The following MCC variants were observed in gnomAD, a reference collection of about 807,000 sequenced individuals.
MCC encodes colorectal mutant cancer protein.
In MCC, 90 loss-of-function variants were observed where a neutral mutation model predicts 116.2. The observed-to-expected ratio is 0.77, with a 90% CI of 0.65 to 0.92. MCC has a LOEUF of 0.92. Ranked by LOEUF, MCC falls within the 40% of genes least tolerant of loss-of-function variation. The pLI, the probability that MCC is intolerant of heterozygous loss-of-function variation, is 0.00. For synonymous variants in MCC, 578 were observed against 510.5 expected, an observed-to-expected ratio of 1.13 and a Z score of -1.78; for missense variants, 1,516 against 1,312.2, an observed-to-expected ratio of 1.16 and a Z score of -2.40.
intron 17 of MCC, among the ~76,000 whole-genome samples, chr5:113,043,302 T>C (rs559556253): frequency 3.2e-4 from 48 of 152,358 alleles, no homozygotes; most frequent in Non-Finnish European, 6.5e-4. Flanking sequence ...GGAATTTTCC[T>C]ATTCACTGAT....
chr5:113,046,565 A>G (rs1173332035), intron 16 of MCC, among the ~76,000 whole-genome samples: 6 of 152,100 alleles, frequency 3.9e-5, no homozygotes, highest in African/African-American at 1.4e-4. Flanking sequence ...GAACTAGGGG[A>G]AAATGCTCAG....
At chr5:113,067,274 C>G (rs890382033) in intron 13 of MCC, among the ~76,000 whole-genome samples, 21 of 152,154 alleles carry the variant, frequency 1.4e-4, no homozygotes, top group Admixed American at 1.3e-3. Flanking sequence ...TTCTGTGATG[C>G]TGACAAGAGC....
At chr5:113,393,639 T>C (rs1769455543) in intron 1 of MCC, among the ~76,000 whole-genome samples, 1 of 152,214 alleles carries the variant, frequency 6.6e-6, no homozygotes, top group African/African-American at 2.4e-5. Flanking sequence ...TCTGAGCTGC[T>C]CACGCTTTGG....
rs185638161 is a variant in MCC at position 113,131,398 on chromosome 5, G to A, written c.885-8572C>T. 2.0e-3 allele frequency among the ~76,000 whole-genome samples: 305 copies of A among 152,166 alleles called. 3 individuals are homozygous for A. The highest frequency in any genetic ancestry group is 7.0e-3 in the African/African-American group (292 of 41,516). ...AAGAGCACATATTACAAAACAGTGC[G>A]TGTTATATGATCAGATTTGTTTAAA... On this transcript the variant is annotated intron_variant, in intron 5 of 18. Transcript: ENST00000408903.
chr5:113,218,611 G>A (rs893218773), intron 3 of MCC, among the ~76,000 whole-genome samples: 6 of 152,134 alleles, frequency 3.9e-5, no homozygotes, highest in Admixed American at 6.5e-5. Flanking sequence ...CAATTTATGC[G>A]AGTTAAAAAA....
intron 1 of MCC, among the ~76,000 whole-genome samples, chr5:113,415,856 T>G (rs575637250): frequency 6.6e-6 from 1 of 152,230 alleles, no homozygotes; most frequent in Admixed American, 6.5e-5. Context: ...GGCGCTCTGG[T>G]TTTTAGAATT....
chr5:113,087,498 C>T (rs1755282265), intron 8 of MCC, among the ~76,000 whole-genome samples: 1 of 152,124 alleles, frequency 6.6e-6, no homozygotes, highest in Non-Finnish European at 1.5e-5. Flanking sequence ...AAAATGGGTA[C>T]AGGGGTGGAT....
chr5:113,215,828 T>C lies in MCC; in HGVS notation c.628-64406A>G, dbSNP rs551821923. On this transcript the variant is annotated intron_variant, in intron 3 of 18. Coordinates refer to ENST00000408903, the MANE Select transcript of MCC (RefSeq NM_001085377.2). ...TTCACTACGAGAGAGCCTCAGTTAC[T>C]ATCTCCAGGCCAAGTTGAAGCCATT... 2.6e-5 allele frequency among the ~76,000 whole-genome samples: 4 copies of C among 152,198 alleles called. No homozygotes were observed. In the South Asian group the frequency reaches 8.3e-4, roughly 32 times the overall value.
chr5:113,064,475 T>C (rs1046772414), intron 13 of MCC, among the ~76,000 whole-genome samples: 1 of 152,238 alleles, frequency 6.6e-6, no homozygotes, highest in Non-Finnish European at 1.5e-5. Context: ...TTTCTAATGA[T>C]CCAGGCTCCT....
At chr5:113,407,371 T>G (rs1769862872) in intron 1 of MCC, among the ~76,000 whole-genome samples, 1 of 152,212 alleles carries the variant, frequency 6.6e-6, no homozygotes, top group South Asian at 2.1e-4. Flanking sequence ...TATGCTCAGA[T>G]AGGGTGAAAT....
chr5:113,393,866 A>G (rs1219480612), intron 1 of MCC, among the ~76,000 whole-genome samples: 1 of 152,188 alleles, frequency 6.6e-6, no homozygotes, highest in East Asian at 1.9e-4. Context: ...TGAAAGGTCC[A>G]TATCAGAATT....
intron 3 of MCC, among the ~76,000 whole-genome samples, chr5:113,282,136 A>G (rs1766068857): frequency 6.6e-6 from 1 of 152,180 alleles, no homozygotes; most frequent in Non-Finnish European, 1.5e-5. Flanking sequence ...TTCAGAGTCT[A>G]TAACTTTAGA....
chr5:113,165,378 A>C (rs575674141), intron 3 of MCC, among the ~76,000 whole-genome samples: 2 of 152,340 alleles, frequency 1.3e-5, no homozygotes, highest in Admixed American at 1.3e-4. Context: ...ACCTACAAGA[A>C]ACACCAACAT....
At chr5:113,385,361 G>T in intron 1 of MCC, 149 bp from the exon 2 acceptor site, 1 of 875,980 alleles carries the variant, frequency 1.1e-6, no homozygotes, top group Non-Finnish European at 1.7e-6. Context: ...AAAGTGATAA[G>T]TGTATGAAAA....
chr5:113,445,932 C>G (rs1580385406), intron 1 of MCC, among the ~76,000 whole-genome samples: 1 of 151,968 alleles, frequency 6.6e-6, no homozygotes, highest in African/African-American at 2.4e-5. Flanking sequence ...ATACAGTACC[C>G]CAAAATAAAG....
intron 4 of MCC, among the ~76,000 whole-genome samples, chr5:113,150,702 G>A (rs556923732): frequency 2.6e-5 from 4 of 152,084 alleles, no homozygotes; most frequent in Non-Finnish European, 5.9e-5. Flanking sequence ...AGGCAAAGAT[G>A]ATGTAACATA....
chr5:113,146,840 T>C (rs943790642), intron 4 of MCC, among the ~76,000 whole-genome samples: 16 of 152,322 alleles, frequency 1.1e-4, no homozygotes, highest in Non-Finnish European at 2.1e-4. Flanking sequence ...TTACAGGTAA[T>C]TGCATCCAGG....
At position 113,104,362 on chromosome 5, in the gene MCC, G is replaced by A; in HGVS notation, c.1028-7C>T. 1 of 1,600,340 alleles carries A rather than the reference G, an allele frequency of 6.2e-7. No individual in the cohort carries two copies. Among genetic ancestry groups the A allele is most frequent in the Non-Finnish European group, 8.5e-7 (1 of 1,171,670 alleles). On this transcript the variant is annotated splice_polypyrimidine_tract_variant and splice_region_variant and intron_variant, in intron 6 of 18. Coordinates refer to ENST00000408903, the MANE Select transcript of MCC (RefSeq NM_001085377.2). The stretch of plus-strand genomic sequence containing the variant: ...TTCAGGTCACTGCAGTTGTCTGTGA[G>A]TGAATGAAGACAAAATGCGTTACAC...
chr5:113,074,794 G>T (rs1754301106), intron 11 of MCC, among the ~76,000 whole-genome samples: 1 of 152,244 alleles, frequency 6.6e-6, no homozygotes, highest in Non-Finnish European at 1.5e-5. Context: ...ATCAGGGATT[G>T]AAGATCATAT....
Sources: allele counts gnomAD v4.1 joint callset (sites outside exome capture counted in the v4.1 genomes callset), GRCh38; gene constraint gnomAD v4.1.1; transcripts MANE v1.5; gene names NCBI Gene and HGNC (gene_info 2026-07-23, HGNC 2026-07-21).